CNTN5: variants seen among roughly 807,000 people sequenced by gnomAD.
CNTN5 encodes the protein contactin 5.
A neutral mutation model predicts 129.1 loss-of-function variants in CNTN5; 77 were observed. That is an observed-to-expected ratio of 0.60 (90% confidence interval 0.50 to 0.72). The LOEUF is 0.72. Among genes scored for constraint, CNTN5 ranks in the 30% least tolerant of loss-of-function variants. The probability of loss-of-function intolerance (pLI) is 0.00; values close to 1 mark genes in which losing one functional copy is unlikely to be tolerated. For synonymous variants in CNTN5, 509 were observed against 465.6 expected (o/e 1.09, Z -1.20); for missense variants, 1,478 against 1,328.8 (o/e 1.11, Z -1.75).
chr11:100,258,202 A>G (rs1375838820), intron 17 of CNTN5, among the ~76,000 whole-genome samples: 2 of 152,194 alleles, frequency 1.3e-5, no homozygotes, highest in African/African-American at 4.8e-5. Context: ...TTGAAGATCA[A>G]CTTAATGAAA....
chr11:99,406,551 C>G (rs1428646852), intron 2 of CNTN5, among the ~76,000 whole-genome samples: 2 of 152,120 alleles, frequency 1.3e-5, no homozygotes, highest in Non-Finnish European at 2.9e-5. Context: ...CAACTACTCC[C>G]TAACTACTGC....
chr11:99,112,299 T>C (rs1163466208), intron 1 of CNTN5, among the ~76,000 whole-genome samples: 2 of 151,966 alleles, frequency 1.3e-5, no homozygotes, highest in East Asian at 1.9e-4. Flanking sequence ...TAAATTTTAA[T>C]GGAAAAATAA....
At chr11:99,740,557 G>A (rs1943856735) in intron 3 of CNTN5, among the ~76,000 whole-genome samples, 1 of 152,174 alleles carries the variant, frequency 6.6e-6, no homozygotes, top group Admixed American at 6.5e-5. Context: ...GGCTCCTAGG[G>A]AGATTTGAAT....
At chr11:100,009,415 A>T (rs1347679065) in intron 9 of CNTN5, among the ~76,000 whole-genome samples, 1 of 151,756 alleles carries the variant, frequency 6.6e-6, no homozygotes, top group Non-Finnish European at 1.5e-5. Context: ...ATAGGGAAAC[A>T]AAGGTATGTA....
At chr11:99,467,734 A>C (rs184320599) in intron 2 of CNTN5, among the ~76,000 whole-genome samples, 5 of 152,162 alleles carry the variant, frequency 3.3e-5, no homozygotes, top group Admixed American at 2.6e-4. Flanking sequence ...AAAGTTAATT[A>C]TTTTCTCAAT....
intron 6 of CNTN5, among the ~76,000 whole-genome samples, chr11:99,853,174 G>T (rs968632197): frequency 1.3e-5 from 2 of 152,056 alleles, no homozygotes; most frequent in Non-Finnish European, 2.9e-5. Context: ...GTACCCCGGA[G>T]ATCTTGCAGA....
At chr11:99,915,665 G>GT (rs1378148857) in intron 6 of CNTN5, among the ~76,000 whole-genome samples, 22 of 152,104 alleles carry the variant, frequency 1.4e-4, no homozygotes, top group African/African-American at 5.3e-4. Context: ...GAAGCCGGTG[G>GT]GACACCAAGT....
intron 7 of CNTN5, among the ~76,000 whole-genome samples, chr11:99,917,939 C>G (rs1052187175): frequency 7.9e-5 from 12 of 152,028 alleles, no homozygotes; most frequent in African/African-American, 2.7e-4. Flanking sequence ...GTTTTACATC[C>G]GAACTCATCT....
chr11:99,859,698 A>T (rs1330544638), intron 6 of CNTN5, among the ~76,000 whole-genome samples: 1 of 152,080 alleles, frequency 6.6e-6, no homozygotes, highest in Non-Finnish European at 1.5e-5. Context: ...TTTTATAGTT[A>T]TGTAGTATTC....
intron 13 of CNTN5, among the ~76,000 whole-genome samples, chr11:100,143,822 G>A (rs1230310438): frequency 1.3e-5 from 2 of 152,136 alleles, no homozygotes; most frequent in Non-Finnish European, 2.9e-5. Context: ...CCAGAGGGAT[G>A]CTAGCAGAAG....
intron 1 of CNTN5, among the ~76,000 whole-genome samples, chr11:99,323,734 T>G (rs1276093499): frequency 6.6e-6 from 1 of 152,186 alleles, no homozygotes; most frequent in East Asian, 1.9e-4. Context: ...ATGTGCTGTT[T>G]GCTTAAGTAA....
intron 14 of CNTN5, 134 bp downstream of exon 14, chr11:100,191,387 C>T (rs1055267647): frequency 1.2e-5 from 8 of 647,940 alleles, no homozygotes; most frequent in African/African-American, 9.5e-5. Flanking sequence ...ACATTGCAAA[C>T]ATAGAACTAA....
At chr11:99,259,029 A>G (rs907915100) in intron 1 of CNTN5, among the ~76,000 whole-genome samples, 1 of 151,672 alleles carries the variant, frequency 6.6e-6, no homozygotes, top group African/African-American at 2.4e-5. Flanking sequence ...GTATAGTATT[A>G]TTTTCGAGTT....
chr11:99,451,782 A>G (rs754402468), intron 2 of CNTN5, among the ~76,000 whole-genome samples: 1 of 152,138 alleles, frequency 6.6e-6, no homozygotes, highest in Non-Finnish European at 1.5e-5. Context: ...ATTGGAACTA[A>G]ATTAGTTTTG....
At chr11:99,923,529 T>C (rs1316993295) in intron 7 of CNTN5, among the ~76,000 whole-genome samples, 1 of 152,208 alleles carries the variant, frequency 6.6e-6, no homozygotes, top group Admixed American at 6.5e-5. Context: ...TTGACTTTAT[T>C]ATGTACAGAA....
In CNTN5 at chr11:99,140,525, A is replaced by G. The variant is rs143576007; in HGVS notation, c.-210+119255A>G. On this transcript the variant is annotated intron_variant, in intron 1 of 24. Coordinates refer to ENST00000524871, the MANE Select transcript of CNTN5 (RefSeq NM_014361.4). ...GATAGCTCAGACTAGGCCTTTCAGT[A>G]TTATGTTGAATGAATCTGGTACGAA... Among the ~76,000 whole-genome samples, 370 of 151,422 alleles carry G rather than the reference A, an allele frequency of 2.4e-3. 1 individual carries two copies. Among genetic ancestry groups the G allele is most frequent in the Non-Finnish European group, 3.5e-3 (234 of 67,720 alleles).
intron 3 of CNTN5, among the ~76,000 whole-genome samples, chr11:99,664,168 G>C (rs913880536): frequency 6.6e-6 from 1 of 152,120 alleles, no homozygotes; most frequent in Non-Finnish European, 1.5e-5. Flanking sequence ...TTGGATGTGG[G>C]AAGACATGCT....
intron 24 of CNTN5, 64 bp downstream of exon 24, chr11:100,350,934 C>A: frequency 7.9e-7 from 1 of 1,265,096 alleles, no homozygotes; most frequent in South Asian, 1.8e-5. Context: ...GTATGAAAGT[C>A]ACGAAAATTG....
At chr11:99,530,441 C>T (rs921650444) in intron 2 of CNTN5, among the ~76,000 whole-genome samples, 12 of 151,524 alleles carry the variant, frequency 7.9e-5, no homozygotes, top group Non-Finnish European at 1.8e-4. Context: ...TTATTGAAGT[C>T]CTGCTATGTG....
Sources: allele counts gnomAD v4.1 joint callset (sites outside exome capture counted in the v4.1 genomes callset), GRCh38; gene constraint gnomAD v4.1.1; transcripts MANE v1.5; gene names NCBI Gene and HGNC (gene_info 2026-07-23, HGNC 2026-07-21).